The following ZFAND2A variants were observed in gnomAD, a reference collection of about 807,000 sequenced individuals.
The protein encoded by ZFAND2A is AN1-type zinc finger protein 2A.
Under a neutral mutation model 11.6 loss-of-function variants are expected in ZFAND2A, and 20 were observed. The observed-to-expected ratio is 1.72, with a 90% CI of 1.21 to 2.50. The LOEUF (loss-of-function observed/expected upper bound fraction) is 2.50, where lower values mean the gene tolerates loss of function less well. Among genes scored for constraint, ZFAND2A ranks in the 30% most tolerant of loss-of-function variants. The pLI is 0.00. For missense variants in ZFAND2A, 234 were observed against 182.9 expected (o/e 1.28, Z -1.61); for synonymous variants, 93 against 60.6 (o/e 1.54, Z -2.48).
chr7:1,158,312 G>C (rs1352790216), intron 1 of ZFAND2A, 55 bp from the exon 2 acceptor site: 10 of 1,067,188 alleles, frequency 9.4e-6, no homozygotes, highest in Non-Finnish European at 1.3e-5. Context: ...TCAGTCACCA[G>C]GATTTACAAT....
rs1793576468 is a variant in ZFAND2A, at chr7:1,158,157, C to T, written c.55+1G>A. ...CTATTAAGTCTCTTAAAAGTACTCA[C>T]CTAGCTGCTTGCAAGTCTTTTCTGA... On this transcript the variant is annotated splice_donor_variant, in intron 2 of 4. Transcript: ENST00000316495. LOFTEE classifies it high-confidence loss of function. 2 of 1,613,598 alleles carry T rather than the reference C, an allele frequency of 1.2e-6. No homozygotes were observed. The highest frequency in any genetic ancestry group is 1.7e-6 in the Non-Finnish European group (2 of 1,179,762).
chr7:1,159,324 C>T (rs1251677309), intron 1 of ZFAND2A, among the ~76,000 whole-genome samples: 1 of 152,248 alleles, frequency 6.6e-6, no homozygotes. Context: ...CAACACCCTA[C>T]CCTGGCGGGC....
At chr7:1,152,373 G>A, downstream of ZFAND2A, 1 of 1,512,094 alleles carries the variant, frequency 6.6e-7, no homozygotes, top group Non-Finnish European at 8.9e-7. Context: ...GATCAGCTCA[G>A]CCTCCATGTG....
At chr7:1,151,406 T>TA (rs924688547), downstream of ZFAND2A, among the ~76,000 whole-genome samples, 8 of 151,968 alleles carry the variant, frequency 5.3e-5, no homozygotes, top group Admixed American at 1.3e-4. Flanking sequence ...GTCACATCGT[T>TA]ACAGAGGTGA....
intron 2 of ZFAND2A, 124 bp downstream of exon 2, chr7:1,158,034 C>T: frequency 2.0e-6 from 2 of 1,006,248 alleles, no homozygotes; most frequent in South Asian, 2.9e-5. Flanking sequence ...AGAACCTGCA[C>T]CAGCACAGTT....
chr7:1,153,703 G>A (rs1344855904), intron 4 of ZFAND2A, among the ~76,000 whole-genome samples: 1 of 152,208 alleles, frequency 6.6e-6, no homozygotes, highest in East Asian at 1.9e-4. Context: ...CCAGCACTTT[G>A]GGAAGCCAAG....
downstream of ZFAND2A, among the ~76,000 whole-genome samples, chr7:1,152,598 A>AG (rs1563159084): frequency 6.6e-6 from 1 of 152,316 alleles, no homozygotes; most frequent in African/African-American, 2.4e-5. Flanking sequence ...CTGTGGACAC[A>AG]GGGTCTTTTC....
At chr7:1,151,285 G>A (rs986451960), downstream of ZFAND2A, among the ~76,000 whole-genome samples, 4 of 152,186 alleles carry the variant, frequency 2.6e-5, no homozygotes, top group Non-Finnish European at 5.9e-5. Flanking sequence ...TGGAGGTCAG[G>A]AACGGGCACG....
chr7:1,157,755 A>C lies in ZFAND2A; in HGVS notation c.56-5T>G, dbSNP rs1396313613. 3 of 1,544,120 alleles carry C rather than the reference A, an allele frequency of 1.9e-6. No individual in the cohort carries two copies. The highest frequency in any genetic ancestry group is 2.6e-6 in the Non-Finnish European group (3 of 1,148,486). ...CACATTTTACTGGAAGAAAATCTAA[A>C]AAACAAAAAACAGGGAAGTGTTTTA... On this transcript the variant is annotated splice_region_variant and splice_polypyrimidine_tract_variant and intron_variant, in intron 2 of 4. Coordinates refer to ENST00000316495, the MANE Select transcript of ZFAND2A (RefSeq NM_182491.4).
downstream of ZFAND2A, among the ~76,000 whole-genome samples, chr7:1,150,887 C>CTTTTT (rs10568309): frequency 4.8e-3 from 616 of 128,084 alleles, 13 homozygotes; most frequent in African/African-American, 0.018. Flanking sequence ...ACAACTGTGC[C>CTTTTT]TTTTTTTTTT....
At chr7:1,157,246 T>C (rs1196520846) in intron 3 of ZFAND2A, 1 of 155,090 alleles carries the variant, frequency 6.4e-6, no homozygotes, top group Admixed American at 6.5e-5. Flanking sequence ...TAAGCGTATT[T>C]ACTGCCTTCC....
chr7:1,149,831 A>G (rs139512960), downstream of ZFAND2A, among the ~76,000 whole-genome samples: 1,420 of 149,540 alleles, frequency 9.5e-3, 23 homozygotes, highest in African/African-American at 0.033. Flanking sequence ...GTGGGACTGC[A>G]GGGTGACTAG....
At chr7:1,157,566 A>T in intron 3 of ZFAND2A, 90 bp downstream of exon 3, 1 of 1,249,216 alleles carries the variant, frequency 8.0e-7, no homozygotes, top group Non-Finnish European at 1.1e-6. Flanking sequence ...TCAATGAGTT[A>T]GCCATACGTC....
At chr7:1,150,562 T>C (rs1343225434), downstream of ZFAND2A, among the ~76,000 whole-genome samples, 1 of 152,150 alleles carries the variant, frequency 6.6e-6, no homozygotes, top group Non-Finnish European at 1.5e-5. Flanking sequence ...CTTCACAAAA[T>C]CAGACGGTGG....
chr7:1,156,811 C>A (rs185159867), intron 3 of ZFAND2A, among the ~76,000 whole-genome samples: 1 of 152,216 alleles, frequency 6.6e-6, no homozygotes, highest in Non-Finnish European at 1.5e-5. Context: ...TATTAGTAAA[C>A]GGTCTCCAGC....
chr7:1,157,655 C>T lies in ZFAND2A; in HGVS notation c.150+1G>A. ...AATCTTTTGAACAAAGGATCAATTA[C>T]CTTCTGGAATGCAAACGGACACTTA... On this transcript the variant is annotated splice_donor_variant, in intron 3 of 4. Transcript: ENST00000316495. LOFTEE classifies it high-confidence loss of function. 1.9e-6 allele frequency: 3 copies of T among 1,576,508 alleles called. No homozygotes were observed. The highest frequency in any genetic ancestry group is 8.6e-7 in the Non-Finnish European group (1 of 1,166,786).
At chr7:1,157,776 T>C in intron 2 of ZFAND2A, 26 bp from the exon 3 acceptor site, 1 of 1,504,452 alleles carries the variant, frequency 6.6e-7, no homozygotes, top group Non-Finnish European at 9.0e-7. Context: ...CAGGGAAGTG[T>C]TTTAACGACT....
chr7:1,148,963 G>C (rs1333078604), downstream of ZFAND2A, among the ~76,000 whole-genome samples: 1 of 150,614 alleles, frequency 6.6e-6, no homozygotes, highest in Non-Finnish European at 1.5e-5. Flanking sequence ...CCATCTGTCT[G>C]GCTATTTATT....
At chr7:1,154,616 G>A (rs533529108) in intron 4 of ZFAND2A, among the ~76,000 whole-genome samples, 107 of 152,366 alleles carry the variant, frequency 7.0e-4, no homozygotes, top group African/African-American at 2.4e-3. Context: ...GGGCCAGAAA[G>A]TGGGGACCAG....
Sources: gnomAD v4.1 joint callset for allele counts (sites outside exome capture counted in the v4.1 genomes callset) on GRCh38, gnomAD v4.1.1 for gene constraint, MANE v1.5 for transcripts, NCBI Gene and HGNC (gene_info 2026-07-23, HGNC 2026-07-21) for gene names.